Variants in KCNS2 observed in about 807,000 individuals in gnomAD.
The protein encoded by KCNS2 is delayed-rectifier potassium channel regulatory subunit KCNS2.
In KCNS2, 15 loss-of-function variants were observed where a neutral mutation model predicts 28.3. The ratio of observed to expected loss-of-function variants is 0.53; its 90% CI spans 0.35 to 0.82. The LOEUF is 0.82. Ranked by LOEUF, KCNS2 falls within the 40% of genes least tolerant of loss-of-function variation. The pLI is 0.01. For synonymous variants in KCNS2, 254 were observed against 256.7 expected, an observed-to-expected ratio of 0.99 and a Z score of 0.10; for missense variants, 501 against 617.1, an observed-to-expected ratio of 0.81 and a Z score of 1.99.
chr8:98,429,110 C>G lies in KCNS2; in HGVS notation c.1131C>G (p.Tyr377Ter), dbSNP rs371574913. ...CCGTCAGTATGACCACAGTGGGGTA[C>G]GGGGATGTGGTCCCAGGGACCACGG... is the stretch of plus-strand genomic sequence containing the variant. ...WATVSMTTVG[Y>*]GDVVPGTTAG... Residue 377 changes from tyrosine to a stop codon, truncating the protein, a stop_gained, in exon 2 of 2, where the codon TAC (tyrosine) becomes TAG (stop). Coordinates refer to ENST00000287042, the MANE Select transcript of KCNS2 (RefSeq NM_020697.4). LOFTEE classifies it high-confidence loss of function. 1.1e-5 allele frequency: 18 copies of G among 1,613,348 alleles called. No individual in the cohort carries two copies. The highest frequency in any genetic ancestry group is 1.5e-5 in the Non-Finnish European group (18 of 1,179,550).
chr8:98,429,114 G>T lies in KCNS2; in HGVS notation c.1135G>T (p.Asp379Tyr), dbSNP rs755556276. 5 of 1,613,468 alleles carry T rather than the reference G, an allele frequency of 3.1e-6. No homozygotes were observed. The highest frequency in any genetic ancestry group is 3.4e-6 in the Non-Finnish European group (4 of 1,179,508). The stretch of plus-strand genomic sequence containing the variant: ...CAGTATGACCACAGTGGGGTACGGG[G>T]ATGTGGTCCCAGGGACCACGGCAGG... ...TVSMTTVGYGDVVPGTTAGKL... is the reference protein window; with the variant it reads ...TVSMTTVGYGYVVPGTTAGKL... Residue 379 changes from aspartate to tyrosine, a missense_variant, in exon 2 of 2, where the codon GAT becomes TAT. Asp to Tyr is a radical substitution (Grantham distance 160). Coordinates refer to ENST00000287042, the MANE Select transcript of KCNS2 (RefSeq NM_020697.4).
rs947286091 is a variant in KCNS2, at chr8:98,429,875, C to T, written c.*462C>T. The T allele has an allele frequency of 2.9e-5, 5 of 169,580 alleles. No homozygotes were observed. The highest frequency in any genetic ancestry group is 1.2e-4 in the African/African-American group (5 of 41,540). 10.5% of individuals were successfully genotyped at this position (169,580 alleles called of 1,614,324 possible). On this transcript the variant is annotated 3_prime_UTR_variant, in exon 2 of 2. Coordinates refer to ENST00000287042, the MANE Select transcript of KCNS2 (RefSeq NM_020697.4). ...CAAGGATATGATGAGATTTTGCTCA[C>T]AGTCATGTGAAAACAAAATCTCAGC...
rs900166940 is a variant in KCNS2, at chr8:98,431,270, G to A, written c.*1857G>A. On this transcript the variant is annotated 3_prime_UTR_variant, in exon 2 of 2. Coordinates refer to ENST00000287042, the MANE Select transcript of KCNS2 (RefSeq NM_020697.4). ...GAATTCACTAGCCACTTGTGTCCTG[G>A]AGCCCCCAGTTCAAATCTTTCCATT... The A allele has an allele frequency of 4.2e-5, 7 of 167,100 alleles. No homozygotes were observed. Among genetic ancestry groups the A allele is most frequent in the African/African-American group, 1.7e-4 (7 of 41,456 alleles). 10.4% of individuals were successfully genotyped at this position (167,100 alleles called of 1,614,324 possible). A position where few individuals can be genotyped will look rare whatever the true frequency, so the allele number is the denominator to read the frequency against.
rs997600392 is a variant in KCNS2 at position 98,429,716 on chromosome 8, C to T, written c.*303C>T. 5.2e-5 allele frequency: 18 copies of T among 349,492 alleles called. No homozygotes were observed. Among genetic ancestry groups the T allele is most frequent in the Admixed American group, 1.8e-4 (4 of 22,520 alleles). 21.6% of individuals were successfully genotyped at this position (349,492 alleles called of 1,614,324 possible). A position where few individuals can be genotyped will look rare whatever the true frequency, so the allele number is the denominator to read the frequency against. On this transcript the variant is annotated 3_prime_UTR_variant, in exon 2 of 2. Coordinates refer to ENST00000287042, the MANE Select transcript of KCNS2 (RefSeq NM_020697.4). ...CCAGAATGCTAATTTTTCTGTCCAT[C>T]GTGTACGCTATTCTAGTGCTTGTGG...
In KCNS2 at chr8:98,431,694, C is replaced by T. The variant is rs1485992678; in HGVS notation, c.*2281C>T. ...GATTTTTCTAAACAAGAAGGCTTACCACCAAAAAAGAGGTACCCTAGTGGT... is the reference window on the plus strand; with the variant it reads ...GATTTTTCTAAACAAGAAGGCTTACTACCAAAAAAGAGGTACCCTAGTGGT... On this transcript the variant is annotated 3_prime_UTR_variant, in exon 2 of 2. Transcript: ENST00000287042. The T allele has an allele frequency of 6.0e-6, 1 of 166,980 alleles. No individual in the cohort carries two copies. The highest frequency in any genetic ancestry group is 1.9e-4 in the East Asian group (1 of 5,206). 10.3% of individuals were successfully genotyped at this position (166,980 alleles called of 1,614,324 possible).
intron 1 of KCNS2, 79 bp from the exon 2 acceptor site, chr8:98,427,859 C>T: frequency 1.3e-6 from 1 of 791,506 alleles, no homozygotes; most frequent in Non-Finnish European, 2.0e-6. Flanking sequence ...GAGGCCTGGG[C>T]CCGCCAGTAA....
At position 98,431,871 on chromosome 8, in the gene KCNS2, T is replaced by C. The variant is rs1002086011; in HGVS notation, c.*2458T>C. The C allele has an allele frequency of 6.0e-6, 1 of 167,096 alleles. No homozygotes were observed. The highest frequency in any genetic ancestry group is 6.5e-5 in the Admixed American group (1 of 15,292). 10.4% of individuals were successfully genotyped at this position (167,096 alleles called of 1,614,324 possible). On this transcript the variant is annotated 3_prime_UTR_variant, in exon 2 of 2. Transcript: ENST00000287042. Reference sequence around the variant, plus strand: ...TACATACATATATACTTATATAAAATATTATCTTGCCCAACTGGACCTTTA... The same window carrying C: ...TACATACATATATACTTATATAAAACATTATCTTGCCCAACTGGACCTTTA...
rs1487091544 is a variant in KCNS2, at chr8:98,427,241, G to T, written c.-131G>T. On this transcript the variant is annotated 5_prime_UTR_variant, in exon 1 of 2. Coordinates refer to ENST00000287042, the MANE Select transcript of KCNS2 (RefSeq NM_020697.4). Reference sequence around the variant, plus strand: ...ACACACTCGCACCCGCGCACGCACCGCCAGCAGGCAGCGGCCACCGCCGCG... The same window carrying T: ...ACACACTCGCACCCGCGCACGCACCTCCAGCAGGCAGCGGCCACCGCCGCG... 1.3e-5 allele frequency: 2 copies of T among 151,218 alleles called. No homozygotes were observed. The highest frequency in any genetic ancestry group is 2.1e-4 in the South Asian group (1 of 4,816). The allele number at this position is 151,218 out of a possible 1,614,324, so 9.4% of individuals were successfully genotyped here. A position where few individuals can be genotyped will look rare whatever the true frequency, so the allele number is the denominator to read the frequency against.
rs573068510 is a variant in KCNS2, at chr8:98,430,279, C to T, written c.*866C>T. 42 of 167,104 alleles carry T rather than the reference C, an allele frequency of 2.5e-4. No individual in the cohort carries two copies. Among genetic ancestry groups the T allele is most frequent in the African/African-American group, 7.7e-4 (32 of 41,526 alleles). The allele number at this position is 167,104 out of a possible 1,614,324, so 10.4% of individuals were successfully genotyped here. On this transcript the variant is annotated 3_prime_UTR_variant, in exon 2 of 2. Transcript: ENST00000287042. ...GGGTGACTGTAGAGAAATGTATTTC[C>T]GGATGAGGTTTCTGATCTAGGCCAT... is the stretch of plus-strand genomic sequence containing the variant.
At position 98,429,989 on chromosome 8, in the gene KCNS2, G is replaced by A; in HGVS notation, c.*576G>A. 6.0e-6 allele frequency: 1 copy of A among 167,336 alleles called. No homozygotes were observed. 10.4% of individuals were successfully genotyped at this position (167,336 alleles called of 1,614,324 possible). A position where few individuals can be genotyped will look rare whatever the true frequency, so the allele number is the denominator to read the frequency against. ...CTTGACCAATGCAAGTCTCTAAGTT[G>A]TTTTTATAAATGATCTGTAGTTCCG... On this transcript the variant is annotated 3_prime_UTR_variant, in exon 2 of 2. Transcript: ENST00000287042.
rs1480950741 is a variant in KCNS2 at position 98,428,088 on chromosome 8, C to T, written c.109C>T (p.Arg37Cys). 2 of 1,613,810 alleles carry T rather than the reference C, an allele frequency of 1.2e-6. No homozygotes were observed. The highest frequency in any genetic ancestry group is 1.7e-6 in the Non-Finnish European group (2 of 1,179,988). ...KRRLRSHTLL[R>C]FPETRLGRLL... Reference sequence around the variant, plus strand: ...GAGGCTGCGCTCGCACACGCTGCTGCGCTTCCCCGAGACGCGCCTGGGCCG... The same window carrying T: ...GAGGCTGCGCTCGCACACGCTGCTGTGCTTCCCCGAGACGCGCCTGGGCCG... Residue 37 changes from arginine (R) to cysteine (C), a missense_variant, in exon 2 of 2, where the codon CGC becomes TGC. Transcript: ENST00000287042. The surrounding 1 kb of genome is among the most constrained non-coding windows in gnomAD (Gnocchi z 6.7).
chr8:98,431,225 G>A lies in KCNS2; in HGVS notation c.*1812G>A, dbSNP rs1436998742. 1 of 167,094 alleles carries A rather than the reference G, an allele frequency of 6.0e-6. No individual in the cohort carries two copies. The highest frequency in any genetic ancestry group is 1.5e-5 in the Non-Finnish European group (1 of 68,124). 10.4% of individuals were successfully genotyped at this position (167,094 alleles called of 1,614,324 possible). ...TCTTGTAGTTGTCATGGCTACTACA[G>A]TGTGGGTGATTTATTGAATGAATTC... On this transcript the variant is annotated 3_prime_UTR_variant, in exon 2 of 2. Coordinates refer to ENST00000287042, the MANE Select transcript of KCNS2 (RefSeq NM_020697.4).
rs1818342687 is a variant in KCNS2, at chr8:98,432,108, T to C, written c.*2695T>C. On this transcript the variant is annotated 3_prime_UTR_variant, in exon 2 of 2. Coordinates refer to ENST00000287042, the MANE Select transcript of KCNS2 (RefSeq NM_020697.4). ...GTTTACAGGTGCTCTCCACTGGGTC[T>C]TTGATCGACCTTGCTAGATAACATC... 1.8e-5 allele frequency: 3 copies of C among 166,894 alleles called. No homozygotes were observed. The South Asian group carries it at 6.2e-4, about 35-fold the overall frequency. The allele number at this position is 166,894 out of a possible 1,614,324, so 10.3% of individuals were successfully genotyped here.
Position 98,429,036 on chromosome 8 carries a change from G to T in KCNS2, c.1057G>T (p.Glu353Ter). 1 of 1,613,560 alleles carries T rather than the reference G, an allele frequency of 6.2e-7. No homozygotes were observed. Reference sequence around the variant, plus strand: ...CGTGGTGGCCTACACCATTGAAAAGGAGGAGAACGAGGGCCTGGCCACCAT... The same window carrying T: ...CGTGGTGGCCTACACCATTGAAAAGTAGGAGAACGAGGGCCTGGCCACCAT... ...FSVVAYTIEK[E>*]ENEGLATIPA... The change falls in exon 2 of 2, where the codon GAG becomes TAG. Residue 353 changes from glutamate to a stop codon, truncating the protein, a stop_gained. Coordinates refer to ENST00000287042, the MANE Select transcript of KCNS2 (RefSeq NM_020697.4). LOFTEE classifies it high-confidence loss of function.
At position 98,429,725 on chromosome 8, in the gene KCNS2, T is replaced by C; in HGVS notation, c.*312T>C. The stretch of plus-strand genomic sequence containing the variant: ...TAATTTTTCTGTCCATCGTGTACGC[T>C]ATTCTAGTGCTTGTGGCCCAGTACT... On this transcript the variant is annotated 3_prime_UTR_variant, in exon 2 of 2. Transcript: ENST00000287042. The C allele has an allele frequency of 3.1e-6, 1 of 318,818 alleles. No individual in the cohort carries two copies. Among genetic ancestry groups the C allele is most frequent in the Non-Finnish European group, 6.1e-6 (1 of 164,336 alleles). 19.7% of individuals were successfully genotyped at this position (318,818 alleles called of 1,614,324 possible).
At position 98,428,387 on chromosome 8, in the gene KCNS2, C is replaced by G; in HGVS notation, c.408C>G (p.Asp136Glu). The G allele has an allele frequency of 6.2e-7, 1 of 1,614,162 alleles. No individual in the cohort carries two copies. Among genetic ancestry groups the G allele is most frequent in the Non-Finnish European group, 8.5e-7 (1 of 1,180,036 alleles). ...TAGAGCCCGAGCAGGAGAAGTGGGA[C>G]GAGCAGAGTGACCAGGAGAGCACCA... Reference protein sequence around the residue: ...RKVEPEQEKWDEQSDQESTTS... With the variant: ...RKVEPEQEKWEEQSDQESTTS... Residue 136 changes from aspartate (D) to glutamate (E), a missense_variant, in exon 2 of 2, where the codon GAC becomes GAG. Coordinates refer to ENST00000287042, the MANE Select transcript of KCNS2 (RefSeq NM_020697.4). The surrounding 1 kb of genome is among the most constrained non-coding windows in gnomAD (Gnocchi z 6.7).
intron 1 of KCNS2, 29 bp from the exon 2 acceptor site, chr8:98,427,909 C>G (rs1043395080): frequency 2.7e-5 from 36 of 1,337,604 alleles, no homozygotes; most frequent in Non-Finnish European, 3.4e-5. Flanking sequence ...GCACGGCGCT[C>G]TCGCCGACGC....
rs567939496 is a variant in KCNS2, at chr8:98,431,319, G to T, written c.*1906G>T. 6.0e-6 allele frequency: 1 copy of T among 167,242 alleles called. No individual in the cohort carries two copies. Among genetic ancestry groups the T allele is most frequent in the South Asian group, 2.1e-4 (1 of 4,826 alleles). The allele number at this position is 167,242 out of a possible 1,614,324, so 10.4% of individuals were successfully genotyped here. On this transcript the variant is annotated 3_prime_UTR_variant, in exon 2 of 2. Coordinates refer to ENST00000287042, the MANE Select transcript of KCNS2 (RefSeq NM_020697.4). Reference sequence around the variant, plus strand: ...TTGGACTGGAGGCTTGTGGGAGGCTGGGAGGTGGCTGTCTCCTAGTGTCTA... The same window carrying T: ...TTGGACTGGAGGCTTGTGGGAGGCTTGGAGGTGGCTGTCTCCTAGTGTCTA...
Position 98,430,383 on chromosome 8 carries a change from G to C in KCNS2, c.*970G>C, listed in dbSNP as rs140176219. The C allele has an allele frequency of 6.0e-6, 1 of 167,060 alleles. No individual in the cohort carries two copies. Among genetic ancestry groups the C allele is most frequent in the Non-Finnish European group, 1.5e-5 (1 of 68,100 alleles). The allele number at this position is 167,060 out of a possible 1,614,324, so 10.3% of individuals were successfully genotyped here. On this transcript the variant is annotated 3_prime_UTR_variant, in exon 2 of 2. Transcript: ENST00000287042. ...TTTTAAGATGTTTAGGAGTAAGGTC[G>C]TGTTGTCTTCCTCAACTAAAAAGAA...
Sources: gnomAD v4.1 joint callset for allele counts on GRCh38, gnomAD v4.1.1 for gene constraint, Gnocchi (gnomAD v3.1) non-coding constraint, MANE v1.5 for transcripts, NCBI Gene and HGNC (gene_info 2026-07-23, HGNC 2026-07-21) for gene names.